Variants in FAM168A observed in about 807,000 individuals in gnomAD.
FAM168A encodes the protein family with sequence similarity 168 member A, also known as protein FAM168A.
A neutral mutation model predicts 28.5 loss-of-function variants in FAM168A; 3 were observed. The ratio of observed to expected loss-of-function variants is 0.11; its 90% CI spans 0.05 to 0.27. The LOEUF is 0.27. Ranked by LOEUF, FAM168A falls within the 10% of genes least tolerant of loss-of-function variation. FAM168A has a pLI of 1.00. For synonymous variants in FAM168A, 122 were observed against 124.2 expected (o/e 0.98, Z 0.12); for missense variants, 222 against 311.5 (o/e 0.71, Z 2.16).
chr11:73,568,412 A>G (rs1407005841), intron 1 of FAM168A, among the ~76,000 whole-genome samples: 1 of 152,256 alleles, frequency 6.6e-6, no homozygotes, highest in Non-Finnish European at 1.5e-5. Flanking sequence ...ATCTCAGACT[A>G]AAATAAGAAA....
At chr11:73,560,066 CTTG>C (rs559917447) in intron 1 of FAM168A, among the ~76,000 whole-genome samples, 22 of 152,056 alleles carry the variant, frequency 1.4e-4, no homozygotes, top group Admixed American at 3.9e-4. Flanking sequence ...AGGTTTTTTT[CTTG>C]TTGTTGTTTT....
At chr11:73,577,446 C>A (rs991629529) in intron 1 of FAM168A, among the ~76,000 whole-genome samples, 3 of 152,080 alleles carry the variant, frequency 2.0e-5, no homozygotes, top group Non-Finnish European at 2.9e-5. Flanking sequence ...TTAGCAGAGC[C>A]CAATTTAAAA....
intron 1 of FAM168A, among the ~76,000 whole-genome samples, chr11:73,484,703 T>TATATATATAGATATATATCG (rs1565266006): frequency 7.6e-6 from 1 of 130,758 alleles, no homozygotes; most frequent in Non-Finnish European, 1.5e-5. Flanking sequence ...TAGATATAGA[T>TATATATATAGATATATATCG]ATATATAGAT....
intron 1 of FAM168A, among the ~76,000 whole-genome samples, chr11:73,551,987 G>C (rs181936012): frequency 6.6e-5 from 10 of 152,250 alleles, no homozygotes; most frequent in African/African-American, 9.6e-5. Context: ...GAATATGTGG[G>C]GAAAAGGAAG....
intron 2 of FAM168A, among the ~76,000 whole-genome samples, chr11:73,467,087 A>T (rs555436297): frequency 2.0e-5 from 3 of 152,306 alleles, no homozygotes; most frequent in East Asian, 3.9e-4. Context: ...TGAAGTCTGA[A>T]TTTATACTAC....
At chr11:73,503,931 C>T (rs1044847538) in intron 1 of FAM168A, among the ~76,000 whole-genome samples, 10 of 152,050 alleles carry the variant, frequency 6.6e-5, no homozygotes, top group East Asian at 1.9e-4. Flanking sequence ...TAAATGGTGC[C>T]GGGAAAACTG....
intron 1 of FAM168A, among the ~76,000 whole-genome samples, chr11:73,584,469 C>CT (rs1162075797): frequency 0.013 from 1,615 of 128,230 alleles, 44 homozygotes; most frequent in African/African-American, 0.027. Flanking sequence ...GGCCCACTGA[C>CT]TTTTTTTTTT....
At chr11:73,569,494 T>C (rs1944060604) in intron 1 of FAM168A, among the ~76,000 whole-genome samples, 1 of 152,206 alleles carries the variant, frequency 6.6e-6, no homozygotes, top group South Asian at 2.1e-4. Flanking sequence ...AAAGTATCTA[T>C]TTTACATACG....
At chr11:73,439,331 T>C (rs1025900158) in intron 2 of FAM168A, among the ~76,000 whole-genome samples, 9 of 152,276 alleles carry the variant, frequency 5.9e-5, no homozygotes, top group African/African-American at 7.2e-5. Context: ...CAGTAATCAA[T>C]TGCGCTCTGA....
intron 3 of FAM168A, among the ~76,000 whole-genome samples, chr11:73,423,198 T>C (rs992826124): frequency 2.0e-5 from 3 of 152,154 alleles, no homozygotes; most frequent in African/African-American, 7.2e-5. Flanking sequence ...CCCTCTTCCA[T>C]CTCCAAAGTT....
At chr11:73,425,137 C>T in intron 3 of FAM168A, 2 of 894,038 alleles carry the variant, frequency 2.2e-6, no homozygotes, top group Admixed American at 3.1e-5. Context: ...CTTTGTTTTG[C>T]AATAGCAGTT....
intron 1 of FAM168A, among the ~76,000 whole-genome samples, chr11:73,470,630 CT>C (rs1867800959): frequency 6.6e-6 from 1 of 152,146 alleles, no homozygotes; most frequent in Admixed American, 6.5e-5. Flanking sequence ...TCTTTTGCCC[CT>C]CTCTCTTCCA....
chr11:73,407,715 C>T (rs1269353283), intron 6 of FAM168A, 72 bp from the exon 7 acceptor site: 1 of 1,249,724 alleles, frequency 8.0e-7, no homozygotes, highest in Admixed American at 2.1e-5. Flanking sequence ...GATGAAGCTA[C>T]AGTCTTTCAC....
At chr11:73,501,631 T>C (rs907741848) in intron 1 of FAM168A, among the ~76,000 whole-genome samples, 1 of 152,076 alleles carries the variant, frequency 6.6e-6, no homozygotes, top group Non-Finnish European at 1.5e-5. Flanking sequence ...AAGAAGTTCT[T>C]TGAAACCAAT....
chr11:73,423,338 A>C (rs565095539), intron 3 of FAM168A, among the ~76,000 whole-genome samples: 1 of 152,166 alleles, frequency 6.6e-6, no homozygotes, highest in South Asian at 2.1e-4. Flanking sequence ...CTAAGACCTA[A>C]ACCTAATCAT....
At chr11:73,531,891 A>G (rs375053531) in intron 1 of FAM168A, among the ~76,000 whole-genome samples, 1 of 147,798 alleles carries the variant, frequency 6.8e-6, no homozygotes, top group Non-Finnish European at 1.5e-5. Flanking sequence ...TGCAGCCTCA[A>G]CCTCCCAGGT....
At chr11:73,411,749 TC>T (rs1866615716) in intron 4 of FAM168A, among the ~76,000 whole-genome samples, 1 of 152,090 alleles carries the variant, frequency 6.6e-6, no homozygotes, top group East Asian at 1.9e-4. Context: ...CATGGATGAT[TC>T]TGGGCATCTT....
intron 2 of FAM168A, among the ~76,000 whole-genome samples, chr11:73,457,723 CAAAAAA>C (rs58142151): frequency 2.7e-3 from 101 of 37,534 alleles, no homozygotes; most frequent in African/African-American, 4.9e-3. Context: ...GCCTGGGTGA[CAAAAAA>C]AAAAAAAAAA....
intron 3 of FAM168A, 151 bp from the exon 4 acceptor site, chr11:73,420,150 T>C (rs116968001): frequency 0.017 from 13,367 of 803,414 alleles, 229 homozygotes; most frequent in Non-Finnish European, 0.017. Flanking sequence ...TCTGAGATGG[T>C]TGAGTGGGTT....
Sources: allele counts gnomAD v4.1 joint callset (sites outside exome capture counted in the v4.1 genomes callset), GRCh38; gene constraint gnomAD v4.1.1; transcripts MANE v1.5; gene names NCBI Gene and HGNC (gene_info 2026-07-23, HGNC 2026-07-21).